The following RIMS2 variants were observed in gnomAD, a reference collection of about 807,000 sequenced individuals.
RIMS2 encodes regulating synaptic membrane exocytosis protein 2.
In RIMS2, 59 loss-of-function variants were observed where a neutral mutation model predicts 174.4. That is an observed-to-expected ratio of 0.34 (90% CI 0.27 to 0.42). The LOEUF (loss-of-function observed/expected upper bound fraction) is 0.42. Among genes scored for constraint, RIMS2 ranks in the 10% least tolerant of loss-of-function variants. The pLI, the probability that RIMS2 is intolerant of heterozygous loss-of-function variation, is 1.00. For synonymous variants in RIMS2, 606 were observed against 572.5 expected (o/e 1.06, Z -0.84); for missense variants, 1,620 against 1,666.3 (o/e 0.97, Z 0.48).
chr8:104,037,948 T>C (rs1399037139), intron 19 of RIMS2, among the ~76,000 whole-genome samples: 4 of 152,086 alleles, frequency 2.6e-5, no homozygotes, highest in Non-Finnish European at 5.9e-5. Context: ...CAAAATACAA[T>C]TGTGTCACAG....
chr8:103,888,328 A>G (rs1233893667), intron 4 of RIMS2, among the ~76,000 whole-genome samples: 1 of 151,502 alleles, frequency 6.6e-6, no homozygotes, highest in Middle Eastern at 3.2e-3. Flanking sequence ...GCTTATTAAA[A>G]TATAGTTATC....
At chr8:103,732,429 G>T (rs1199726412) in intron 2 of RIMS2, among the ~76,000 whole-genome samples, 2 of 152,270 alleles carry the variant, frequency 1.3e-5, no homozygotes, top group Non-Finnish European at 2.9e-5. Context: ...CTTAAGGCCC[G>T]CAGTGACCAC....
chr8:103,565,525 C>T (rs1373956166), intron 1 of RIMS2, among the ~76,000 whole-genome samples: 3 of 151,974 alleles, frequency 2.0e-5, no homozygotes, highest in Admixed American at 6.6e-5. Context: ...AGGCTGGTCT[C>T]GAATATCCGA....
intron 19 of RIMS2, among the ~76,000 whole-genome samples, chr8:104,084,297 C>T (rs999753083): frequency 5.3e-5 from 8 of 151,662 alleles, no homozygotes; most frequent in African/African-American, 2.4e-5. Context: ...AAAAATTAGC[C>T]GGGTGTGGTG....
At chr8:103,921,615 A>G in intron 9 of RIMS2, 57 bp from the exon 13 acceptor site, 1 of 789,460 alleles carries the variant, frequency 1.3e-6, no homozygotes, top group Non-Finnish European at 2.3e-6. Flanking sequence ...GGCAAAACTT[A>G]CTAAATACTT....
rs201192656 is a variant in RIMS2 at position 103,961,135 on chromosome 8, T to C, written c.2770+2T>C. ...ATGATGGAATTGGTGTAGTATCAGG[T>C]AAGAATTTTAGAATTATTTTATAGT... On this transcript the variant is annotated splice_donor_variant, in intron 15 of 23. Transcript: ENST00000504942. LOFTEE classifies it high-confidence loss of function. The C allele has an allele frequency of 3.2e-5, 42 of 1,306,902 alleles. No homozygotes were observed. Among genetic ancestry groups the C allele is most frequent in the Non-Finnish European group, 4.7e-5 (42 of 901,468 alleles). The allele number at this position is 1,306,902 out of a possible 1,614,324, so 81.0% of individuals were successfully genotyped here. A position where few individuals can be genotyped will look rare whatever the true frequency, so the allele number is the denominator to read the frequency against.
chr8:103,504,846 C>CTTTTTTTTTTTTTTTTTT (rs11367763), intron 1 of RIMS2, among the ~76,000 whole-genome samples: 12 of 95,058 alleles, frequency 1.3e-4, no homozygotes, highest in South Asian at 3.5e-4. Flanking sequence ...TTCTTTCTTT[C>CTTTTTTTTTTTTTTTTTT]TTTTTTTTTT....
intron 19 of RIMS2, among the ~76,000 whole-genome samples, chr8:104,182,878 G>A (rs2136009996): frequency 6.6e-6 from 1 of 151,832 alleles, no homozygotes; most frequent in Admixed American, 6.6e-5. Context: ...TAATTTGTGT[G>A]AAAGTATTTG....
At chr8:103,662,555 T>C (rs1306020246) in intron 1 of RIMS2, among the ~76,000 whole-genome samples, 1 of 152,206 alleles carries the variant, frequency 6.6e-6, no homozygotes, top group Non-Finnish European at 1.5e-5. Context: ...TACAATGAAC[T>C]CAAATTATTC....
intron 14 of RIMS2, among the ~76,000 whole-genome samples, chr8:103,956,625 T>C (rs1344376089): frequency 6.6e-6 from 1 of 152,118 alleles, no homozygotes; most frequent in Non-Finnish European, 1.5e-5. Context: ...GACTTAAACA[T>C]AAGACCTAAA....
chr8:104,085,848 A>C (rs530380906), intron 19 of RIMS2, among the ~76,000 whole-genome samples: 1 of 152,214 alleles, frequency 6.6e-6, no homozygotes, highest in African/African-American at 2.4e-5. Context: ...GAAAGAATAA[A>C]TTTGGTTTGA....
rs1348159688 is a variant in RIMS2, at chr8:103,717,871, T to C, written c.387+20575T>C. On this transcript the variant is annotated intron_variant, in intron 2 of 23. Coordinates refer to ENST00000504942, the Ensembl canonical transcript of RIMS2. Reference sequence around the variant, plus strand: ...CAATTCAGTAGGTTCTAGTCACATATAGCTAGCTATTGAACACTTGAAAAG... The same window carrying C: ...CAATTCAGTAGGTTCTAGTCACATACAGCTAGCTATTGAACACTTGAAAAG... Among the ~76,000 whole-genome samples, 9 of 152,306 alleles carry C rather than the reference T, an allele frequency of 5.9e-5. No individual in the cohort carries two copies. In the South Asian group the frequency reaches 1.0e-3, roughly 18 times the overall value.
intron 19 of RIMS2, among the ~76,000 whole-genome samples, chr8:104,062,006 T>TA: frequency 6.6e-6 from 1 of 152,138 alleles, no homozygotes; most frequent in East Asian, 1.9e-4. Flanking sequence ...ATCAAAATGA[T>TA]CAAAAATATG....
intron 1 of RIMS2, among the ~76,000 whole-genome samples, chr8:103,550,215 T>C (rs921304814): frequency 2.0e-5 from 3 of 152,148 alleles, no homozygotes; most frequent in Admixed American, 6.6e-5. Flanking sequence ...AGTAAAGCAC[T>C]CCTCAGCAAA....
At chr8:103,978,001 G>A (rs1027720756) in intron 16 of RIMS2, among the ~76,000 whole-genome samples, 9 of 152,114 alleles carry the variant, frequency 5.9e-5, no homozygotes, top group Non-Finnish European at 1.0e-4. Context: ...TAATCACCTG[G>A]TCCCTCTGTA....
At chr8:103,948,301 T>A (rs1405505255) in intron 14 of RIMS2, among the ~76,000 whole-genome samples, 1 of 152,170 alleles carries the variant, frequency 6.6e-6, no homozygotes, top group Non-Finnish European at 1.5e-5. Context: ...AAGTTAAAAA[T>A]AAATTTACCG....
Position 103,801,245 on chromosome 8 carries a change from C to T in RIMS2, c.698+34708C>T, listed in dbSNP as rs994346972. On this transcript the variant is annotated intron_variant, in intron 3 of 23. Coordinates refer to ENST00000504942, the Ensembl canonical transcript of RIMS2. ...CAGGCAATCCTCCCGCCTCCGCCTCCCAAAGTGCTGGGATTACAGGCATGG... is the reference window on the plus strand; with the variant it reads ...CAGGCAATCCTCCCGCCTCCGCCTCTCAAAGTGCTGGGATTACAGGCATGG... 1.1e-3 allele frequency among the ~76,000 whole-genome samples: 166 copies of T among 152,294 alleles called. 1 individual carries two copies. Among genetic ancestry groups the T allele is most frequent in the African/African-American group, 3.7e-3 (152 of 41,564 alleles).
intron 17 of RIMS2, among the ~76,000 whole-genome samples, chr8:104,010,728 T>C (rs1304724810): frequency 6.6e-6 from 1 of 151,990 alleles, no homozygotes; most frequent in African/African-American, 2.4e-5. Flanking sequence ...TAAAAGACAA[T>C]GGAATTATTT....
chr8:103,935,053 C>A (rs1161168889), intron 12 of RIMS2, among the ~76,000 whole-genome samples: 2 of 152,268 alleles, frequency 1.3e-5, no homozygotes, highest in East Asian at 1.9e-4. Context: ...TTCATCCTGG[C>A]CTTCGTGGAA....
Sources: allele counts gnomAD v4.1 joint callset (sites outside exome capture counted in the v4.1 genomes callset), GRCh38; gene constraint gnomAD v4.1.1; transcripts MANE v1.5; gene names NCBI Gene and HGNC (gene_info 2026-07-23, HGNC 2026-07-21).